Variants in THSD7B observed in about 807,000 individuals in gnomAD.
THSD7B encodes thrombospondin type-1 domain-containing protein 7B.
THSD7B carries 138 observed loss-of-function variants against 213.6 expected under a neutral mutation model. The ratio of observed to expected loss-of-function variants is 0.65; its 90% CI spans 0.56 to 0.74. The LOEUF is 0.74. Among genes scored for constraint, THSD7B ranks in the 30% least tolerant of loss-of-function variants. THSD7B has a pLI of 0.00. For missense variants in THSD7B, 1,931 were observed against 1,991.5 expected (o/e 0.97, Z 0.58); for synonymous variants, 742 against 687.0 (o/e 1.08, Z -1.25).
At chr2:136,889,871 CT>C (rs1480384067) in intron 2 of THSD7B, among the ~76,000 whole-genome samples, 4 of 152,122 alleles carry the variant, frequency 2.6e-5, no homozygotes, top group African/African-American at 9.7e-5. Context: ...TCTTCTTTGC[CT>C]TTATTGTCGT....
intron 12 of THSD7B, among the ~76,000 whole-genome samples, chr2:137,392,859 T>G (rs1686066692): frequency 6.6e-6 from 1 of 152,112 alleles, no homozygotes; most frequent in Non-Finnish European, 1.5e-5. Flanking sequence ...GGTGAAATTC[T>G]GTTGTGTTGC....
intron 21 of THSD7B, among the ~76,000 whole-genome samples, chr2:137,655,112 G>A (rs886118933): frequency 1.3e-5 from 2 of 152,058 alleles, no homozygotes; most frequent in African/African-American, 4.8e-5. Context: ...CTATAAAAAA[G>A]AAAAACAGGT....
At chr2:137,143,272 C>G (rs1286213383) in intron 5 of THSD7B, among the ~76,000 whole-genome samples, 1 of 152,016 alleles carries the variant, frequency 6.6e-6, no homozygotes, top group Non-Finnish European at 1.5e-5. Flanking sequence ...TAATATAGTC[C>G]CCAGTTTTTG....
In THSD7B at chr2:137,060,279, T is replaced by G. The variant is rs143454089; in HGVS notation, c.950+3049T>G. Among the ~76,000 whole-genome samples the G allele has an allele frequency of 1.7e-3, 252 of 152,232 alleles. 1 individual carries two copies. Among genetic ancestry groups the G allele is most frequent in the African/African-American group, 5.9e-3 (245 of 41,574 alleles). ...GGATACCAGTCCTTTATCAGATATGTGTTTTGCAAATATTTTTGACAGTCT... is the reference window on the plus strand; with the variant it reads ...GGATACCAGTCCTTTATCAGATATGGGTTTTGCAAATATTTTTGACAGTCT... On this transcript the variant is annotated intron_variant, in intron 3 of 27. Coordinates refer to ENST00000409968, the MANE Select transcript of THSD7B (RefSeq NM_001316349.2).
chr2:137,400,799 A>G (rs1439063673), intron 12 of THSD7B, among the ~76,000 whole-genome samples: 2 of 152,154 alleles, frequency 1.3e-5, no homozygotes, highest in South Asian at 2.1e-4. Flanking sequence ...GATGTCTCAC[A>G]TGGTGGATTG....
intron 1 of THSD7B, among the ~76,000 whole-genome samples, chr2:136,803,842 T>C (rs1484285942): frequency 2.6e-5 from 4 of 152,028 alleles, no homozygotes; most frequent in Admixed American, 6.6e-5. Flanking sequence ...GGAGTGCCAG[T>C]GTGGGAGGGC....
In THSD7B at chr2:137,221,405, T is replaced by G. The variant is rs1681369009; in HGVS notation, c.1724-9639T>G. ...GATAGAACTGTCCTGCCTCGTCATT[T>G]TGGTGATGGATACAAGACTGTGCAT... is the stretch of plus-strand genomic sequence containing the variant. On this transcript the variant is annotated intron_variant, in intron 7 of 27. Transcript: ENST00000409968. Among the ~76,000 whole-genome samples, 4 of 134,876 alleles carry G rather than the reference T, an allele frequency of 3.0e-5. No individual in the cohort carries two copies. The Admixed American group carries it at 3.0e-4, about 10-fold the overall frequency. The allele number at this position is 134,876 out of a possible 152,430, so 88.5% of individuals were successfully genotyped here. A position where few individuals can be genotyped will look rare whatever the true frequency, so the allele number is the denominator to read the frequency against.
chr2:137,476,259 T>G (rs1179382037), intron 15 of THSD7B, among the ~76,000 whole-genome samples: 1 of 152,142 alleles, frequency 6.6e-6, no homozygotes, highest in Non-Finnish European at 1.5e-5. Context: ...TTTTTTACCA[T>G]TCTGCAGGTT....
chr2:137,462,359 C>T (rs1401512334), intron 15 of THSD7B, among the ~76,000 whole-genome samples: 1 of 152,024 alleles, frequency 6.6e-6, no homozygotes, highest in Non-Finnish European at 1.5e-5. Flanking sequence ...TCACTCACTC[C>T]CTCTTGAGCT....
At chr2:137,030,190 C>G (rs754766731) in intron 2 of THSD7B, among the ~76,000 whole-genome samples, 1 of 152,048 alleles carries the variant, frequency 6.6e-6, no homozygotes, top group Non-Finnish European at 1.5e-5. Context: ...ATACAGACAA[C>G]AAGAGATACT....
chr2:137,264,409 T>G (rs569561360), intron 10 of THSD7B, among the ~76,000 whole-genome samples: 4 of 152,158 alleles, frequency 2.6e-5, no homozygotes, highest in African/African-American at 9.6e-5. Context: ...CCCGCCACCA[T>G]GCCTAATTTT....
At chr2:137,109,520 G>A (rs750405302) in intron 4 of THSD7B, among the ~76,000 whole-genome samples, 2 of 152,190 alleles carry the variant, frequency 1.3e-5, no homozygotes, top group Non-Finnish European at 2.9e-5. Flanking sequence ...GGAGCGCTGA[G>A]CTTGTTTTCC....
At chr2:137,265,705 A>G (rs1682573022) in intron 10 of THSD7B, among the ~76,000 whole-genome samples, 1 of 152,218 alleles carries the variant, frequency 6.6e-6, no homozygotes, top group African/African-American at 2.4e-5. Flanking sequence ...TTGAAATGCA[A>G]TCCTGTGCTG....
chr2:137,167,303 A>G (rs1680157048), intron 6 of THSD7B, among the ~76,000 whole-genome samples: 1 of 151,962 alleles, frequency 6.6e-6, no homozygotes, highest in African/African-American at 2.4e-5. Context: ...TCCTGGGTTC[A>G]AGCAGTTCTG....
At chr2:137,485,305 C>G (rs1485466747) in intron 15 of THSD7B, among the ~76,000 whole-genome samples, 1 of 149,352 alleles carries the variant, frequency 6.7e-6, no homozygotes, top group Non-Finnish European at 1.5e-5. Context: ...TTGTTTTTCT[C>G]AGGTTTGTCA....
intron 5 of THSD7B, among the ~76,000 whole-genome samples, chr2:137,122,269 G>A (rs536399433): frequency 6.6e-6 from 1 of 152,270 alleles, no homozygotes; most frequent in East Asian, 1.9e-4. Flanking sequence ...GGGGAGATGA[G>A]CCAGTTAAAT....
chr2:137,139,401 A>G (rs188686056), intron 5 of THSD7B, among the ~76,000 whole-genome samples: 3 of 152,280 alleles, frequency 2.0e-5, no homozygotes, highest in Non-Finnish European at 4.4e-5. Context: ...AGAAGAACAC[A>G]TTTCTGAGGC....
intron 3 of THSD7B, among the ~76,000 whole-genome samples, chr2:137,089,872 G>A (rs1301142140): frequency 6.6e-6 from 1 of 151,912 alleles, no homozygotes; most frequent in Non-Finnish European, 1.5e-5. Context: ...AGCCGGGTGT[G>A]GTGGTGCACC....
intron 7 of THSD7B, among the ~76,000 whole-genome samples, chr2:137,190,610 G>A (rs540939582): frequency 1.3e-4 from 20 of 152,238 alleles, no homozygotes; most frequent in African/African-American, 4.8e-4. Flanking sequence ...GGTCCTTCTG[G>A]TCATCCTTTC....
Sources: gnomAD v4.1 joint callset for allele counts (sites outside exome capture counted in the v4.1 genomes callset) on GRCh38, gnomAD v4.1.1 for gene constraint, MANE v1.5 for transcripts, NCBI Gene and HGNC (gene_info 2026-07-23, HGNC 2026-07-21) for gene names.